The following TNIP3 variants were observed in gnomAD, a reference collection of about 807,000 sequenced individuals.
TNIP3 encodes TNFAIP3-interacting protein 3.
In TNIP3, 34 loss-of-function variants were observed where a neutral mutation model predicts 54.1. The ratio of observed to expected loss-of-function variants is 0.63; its 90% CI spans 0.48 to 0.84. The LOEUF (loss-of-function observed/expected upper bound fraction) is 0.84. Ranked by LOEUF, TNIP3 falls within the 40% of genes least tolerant of loss-of-function variation. The probability of loss-of-function intolerance (pLI) is 0.00; values close to 1 mark genes in which losing one functional copy is unlikely to be tolerated. For synonymous variants in TNIP3, 134 were observed against 136.8 expected, an observed-to-expected ratio of 0.98 and a Z score of 0.14; for missense variants, 366 against 387.6, an observed-to-expected ratio of 0.94 and a Z score of 0.47.
chr4:121,164,037 A>G, intron 1 of TNIP3, 23 bp downstream of exon 1: 1 of 1,612,880 alleles, frequency 6.2e-7, no homozygotes, highest in Non-Finnish European at 8.5e-7. Flanking sequence ...TGATCAACTC[A>G]TCTCCTAGAA....
intron 4 of TNIP3, 39 bp from the exon 5 acceptor site, chr4:121,154,718 C>G: frequency 6.4e-7 from 1 of 1,555,756 alleles, no homozygotes. Context: ...AAAGTCAGTA[C>G]AAGTCAAATG....
Position 121,132,348 on chromosome 4 carries a change from A to C in TNIP3, c.*283T>G. ...TGTGCATCCAACAGCAATATGCTGA[A>C]GAGATTTTCAGGGAGTCGTGCATCA... On this transcript the variant is annotated 3_prime_UTR_variant, in exon 11 of 11. Coordinates refer to ENST00000057513, the MANE Select transcript of TNIP3 (RefSeq NM_024873.6). 2 of 405,326 alleles carry C rather than the reference A, an allele frequency of 4.9e-6. No homozygotes were observed. The highest frequency in any genetic ancestry group is 4.4e-6 in the Non-Finnish European group (1 of 225,742). 25.1% of individuals were successfully genotyped at this position (405,326 alleles called of 1,614,324 possible).
chr4:121,221,355 A>C (rs770671546), upstream of TNIP3, among the ~76,000 whole-genome samples: 23 of 152,212 alleles, frequency 1.5e-4, no homozygotes, highest in Non-Finnish European at 2.4e-4. Context: ...AAGAAAAAGG[A>C]ATTCACTTAG....
chr4:121,189,765 T>C (rs370953247), intron 2 of TNIP3, among the ~76,000 whole-genome samples: 1 of 152,244 alleles, frequency 6.6e-6, no homozygotes, highest in African/African-American at 2.4e-5. Context: ...GAATTGTATT[T>C]GCATGTCTGA....
intron 8 of TNIP3, among the ~76,000 whole-genome samples, chr4:121,142,440 A>G (rs1237312834): frequency 6.6e-6 from 1 of 152,234 alleles, no homozygotes; most frequent in Non-Finnish European, 1.5e-5. Context: ...CAGCAACTGC[A>G]TGAAATACCA....
intron 3 of TNIP3, among the ~76,000 whole-genome samples, chr4:121,171,807 C>T (rs563705182): frequency 3.9e-5 from 6 of 152,008 alleles, no homozygotes; most frequent in South Asian, 2.1e-4. Context: ...CTTGGCTCAC[C>T]GCAACCTCTG....
rs919764164 is a variant in TNIP3 at position 121,180,128 on chromosome 4, C to T, written c.189+2548G>A. On this transcript the variant is annotated intron_variant, in intron 3 of 12. Transcript: ENST00000507879. ...AATATTATAGATGTCGGGCTGGGCG[C>T]GGTGGCTCACGCCTGTAATCCCAAC... is the stretch of plus-strand genomic sequence containing the variant. 4.6e-5 allele frequency among the ~76,000 whole-genome samples: 7 copies of T among 152,142 alleles called. No individual in the cohort carries two copies. The South Asian group carries it at 6.2e-4, about 14-fold the overall frequency.
intron 2 of TNIP3, among the ~76,000 whole-genome samples, chr4:121,160,716 C>CT (rs1730398414): frequency 6.6e-6 from 1 of 152,042 alleles, no homozygotes; most frequent in African/African-American, 2.4e-5. Flanking sequence ...GTCATAGCAC[C>CT]TAAATCAACT....
At position 121,164,133 on chromosome 4, in the gene TNIP3, G is replaced by C; in HGVS notation, c.-8C>G. 6.2e-7 allele frequency: 1 copy of C among 1,613,632 alleles called. No individual in the cohort carries two copies. Among genetic ancestry groups the C allele is most frequent in the South Asian group, 1.1e-5 (1 of 91,054 alleles). ...CTGTACAAAATGTGCCATGGAAGCT[G>C]TTTTTCCTGGAGTCTTGGAAAGCAG... On this transcript the variant is annotated 5_prime_UTR_variant, in exon 1 of 11. Coordinates refer to ENST00000057513, the MANE Select transcript of TNIP3 (RefSeq NM_024873.6).
chr4:121,174,167 C>G (rs1446629149), intron 3 of TNIP3, among the ~76,000 whole-genome samples: 1 of 152,144 alleles, frequency 6.6e-6, no homozygotes, highest in South Asian at 2.1e-4. Context: ...AAGAGAACTA[C>G]CTTCTTCCTG....
At chr4:121,213,036 A>G (rs1726563844) in intron 2 of TNIP3, among the ~76,000 whole-genome samples, 2 of 152,222 alleles carry the variant, frequency 1.3e-5, no homozygotes, top group Non-Finnish European at 2.9e-5. Flanking sequence ...TTGGCTGCTC[A>G]ATGTTGCATC....
At chr4:121,140,536 CA>C (rs927266050) in intron 9 of TNIP3, among the ~76,000 whole-genome samples, 11 of 151,812 alleles carry the variant, frequency 7.2e-5, no homozygotes, top group Non-Finnish European at 1.6e-4. Flanking sequence ...TTGACTGAAA[CA>C]ATAATTTGTA....
chr4:121,223,465 A>G (rs1727126503), intron 1 of TNIP3, among the ~76,000 whole-genome samples: 1 of 152,248 alleles, frequency 6.6e-6, no homozygotes, highest in Non-Finnish European at 1.5e-5. Context: ...TAGCTGAAAG[A>G]TGGTTTTAAA....
intron 2 of TNIP3, among the ~76,000 whole-genome samples, chr4:121,187,125 A>G (rs897917393): frequency 2.0e-5 from 3 of 152,118 alleles, no homozygotes; most frequent in Non-Finnish European, 4.4e-5. Flanking sequence ...TTTTCTTGAG[A>G]TCACTTAATA....
Position 121,143,899 on chromosome 4 carries a change from A to G in TNIP3, c.736-1123T>C, listed in dbSNP as rs562678793. ...TAGGAATACTAGAGAGCATGACAGC[A>G]TATACGTGTGGGCCATTCTAAACCA... On this transcript the variant is annotated intron_variant, in intron 7 of 10. Transcript: ENST00000057513. Among the ~76,000 whole-genome samples, 9 of 152,318 alleles carry G rather than the reference A, an allele frequency of 5.9e-5. No individual in the cohort carries two copies. The East Asian group carries it at 9.6e-4, about 16-fold the overall frequency.
At chr4:121,184,520 G>T (rs181192498) in intron 2 of TNIP3, among the ~76,000 whole-genome samples, 1 of 152,272 alleles carries the variant, frequency 6.6e-6, no homozygotes, top group African/African-American at 2.4e-5. Context: ...AGAGAAATGC[G>T]GAGCTGAGAG....
intron 2 of TNIP3, among the ~76,000 whole-genome samples, chr4:121,215,220 T>TG (rs1560698009): frequency 6.6e-6 from 1 of 152,182 alleles, no homozygotes; most frequent in East Asian, 1.9e-4. Flanking sequence ...AAAGTACAGA[T>TG]GGGCCTCTTT....
At chr4:121,194,141 T>A (rs905473061) in intron 2 of TNIP3, among the ~76,000 whole-genome samples, 1 of 152,192 alleles carries the variant, frequency 6.6e-6, no homozygotes, top group African/African-American at 2.4e-5. Context: ...TTGATGGTTA[T>A]CTTGTGGTAT....
chr4:121,147,723 A>G (rs1729513688), intron 6 of TNIP3, among the ~76,000 whole-genome samples: 1 of 152,346 alleles, frequency 6.6e-6, no homozygotes. Flanking sequence ...CTATGAAAAC[A>G]AATGAAAGGT....
Sources: gnomAD v4.1 joint callset for allele counts (sites outside exome capture counted in the v4.1 genomes callset) on GRCh38, gnomAD v4.1.1 for gene constraint, MANE v1.5 for transcripts, NCBI Gene and HGNC (gene_info 2026-07-23, HGNC 2026-07-21) for gene names.